The following CHRM2 variants were observed in gnomAD, a reference collection of about 807,000 sequenced individuals.
CHRM2 encodes muscarinic acetylcholine receptor M2.
Under a neutral mutation model 25.0 loss-of-function variants are expected in CHRM2, and 8 were observed. The observed-to-expected ratio is 0.32, with a 90% CI of 0.19 to 0.58. CHRM2 has a LOEUF of 0.58. CHRM2 is among the 20% of genes least tolerant of loss of function. CHRM2 has a pLI of 0.88. For synonymous variants in CHRM2, 202 were observed against 205.7 expected, an observed-to-expected ratio of 0.98 and a Z score of 0.15; for missense variants, 440 against 567.1, an observed-to-expected ratio of 0.78 and a Z score of 2.28.
At chr7:136,975,193 T>C (rs1802032351) in intron 2 of CHRM2, among the ~76,000 whole-genome samples, 2 of 152,124 alleles carry the variant, frequency 1.3e-5, no homozygotes, top group African/African-American at 4.8e-5. Context: ...AGAGAAAAGG[T>C]ATACATCAGC....
intron 2 of CHRM2, among the ~76,000 whole-genome samples, chr7:136,888,909 G>A (rs903637813): frequency 9.2e-5 from 14 of 151,728 alleles, no homozygotes; most frequent in Middle Eastern, 3.4e-3. Flanking sequence ...TTAGCCGGGC[G>A]TGGTGGCGGG....
chr7:136,985,420 G>T (rs533653703), intron 2 of CHRM2, among the ~76,000 whole-genome samples: 1 of 135,768 alleles, frequency 7.4e-6, no homozygotes, highest in East Asian at 2.4e-4. Flanking sequence ...TGCGGTAGGA[G>T]AATCGCTTGA....
At chr7:137,013,435 GTAAT>G in intron 3 of CHRM2, among the ~76,000 whole-genome samples, 1 of 151,992 alleles carries the variant, frequency 6.6e-6, no homozygotes, top group South Asian at 2.1e-4. Context: ...CCATTTCTTT[GTAAT>G]TAATAGCATC....
At chr7:136,970,768 A>AT in intron 2 of CHRM2, among the ~76,000 whole-genome samples, 1 of 152,250 alleles carries the variant, frequency 6.6e-6, no homozygotes, top group East Asian at 1.9e-4. Flanking sequence ...AAAAAAGGCC[A>AT]TTTCTCTTTT....
At chr7:136,990,703 A>T (rs1803166414) in intron 2 of CHRM2, among the ~76,000 whole-genome samples, 1 of 152,166 alleles carries the variant, frequency 6.6e-6, no homozygotes, top group African/African-American at 2.4e-5. Context: ...TTGTGTGGAC[A>T]TGTTTTTAAC....
At position 137,018,945 on chromosome 7, in the gene CHRM2, G is replaced by A. The variant is rs1043378620; in HGVS notation, c.*2679G>A. On this transcript the variant is annotated 3_prime_UTR_variant, in exon 4 of 4. Transcript: ENST00000680005. The stretch of plus-strand genomic sequence containing the variant: ...AGACAATTCCCCTCTCCCCGAAAGG[G>A]GACACTTAGCAATGTGTAAAGACAT... 1 of 151,880 alleles carries A rather than the reference G, an allele frequency of 6.6e-6. No homozygotes were observed. Among genetic ancestry groups the A allele is most frequent in the African/African-American group, 2.4e-5 (1 of 41,390 alleles). The allele number at this position is 151,880 out of a possible 1,614,324, so 9.4% of individuals were successfully genotyped here.
chr7:137,011,215 G>GTGTGTATATATA, intron 3 of CHRM2, among the ~76,000 whole-genome samples: 2,224 of 134,222 alleles, frequency 0.017, 86 homozygotes, highest in African/African-American at 0.067. Context: ...GTGTGTGTGT[G>GTGTGTATATATA]TATATATATA....
chr7:137,015,064 T>C lies in CHRM2; in HGVS notation c.199T>C (p.Cys67Arg). The change falls in exon 4 of 4, where the codon TGT becomes CGT. Residue 67 changes from cysteine (C) to arginine (R), a missense_variant. Physicochemically the swap from Cys to Arg is radical, Grantham distance 180. This residue lies in a region of CHRM2 where 86 missense variants were observed against 124.9 expected (regional missense o/e 0.69). Transcript: ENST00000680005. The surrounding 1 kb of genome is among the most constrained non-coding windows in gnomAD (Gnocchi z 5.1). ...VNNYFLFSLA[C>R]ADLIIGVFSM... ...CAATTACTTTTTATTCAGCTTGGCC[T>C]GTGCTGACCTTATCATAGGTGTTTT... 6.2e-7 allele frequency: 1 copy of C among 1,613,490 alleles called. No homozygotes were observed. Among genetic ancestry groups the C allele is most frequent in the Non-Finnish European group, 8.5e-7 (1 of 1,179,634 alleles).
intron 2 of CHRM2, chr7:136,903,136 A>G (rs759067887): frequency 1.9e-6 from 1 of 534,004 alleles, no homozygotes; most frequent in East Asian, 5.5e-5. Flanking sequence ...TCTTCAACCA[A>G]CGGTGGTGAA....
chr7:136,926,488 T>G (rs745641586), intron 2 of CHRM2, among the ~76,000 whole-genome samples: 4 of 152,188 alleles, frequency 2.6e-5, no homozygotes, highest in Non-Finnish European at 4.4e-5. Context: ...CATAAATCTA[T>G]GTTTATAACT....
chr7:136,872,918 T>A (rs912319193), intron 2 of CHRM2, among the ~76,000 whole-genome samples: 1 of 152,212 alleles, frequency 6.6e-6, no homozygotes, highest in Admixed American at 6.5e-5. Flanking sequence ...CCCTTTCTAT[T>A]ATCTTCACAA....
chr7:136,946,937 C>A (rs183127344), intron 2 of CHRM2, among the ~76,000 whole-genome samples: 1 of 152,204 alleles, frequency 6.6e-6, no homozygotes, highest in Non-Finnish European at 1.5e-5. Context: ...TGGGGAATGG[C>A]AATCAGAAGA....
intron 3 of CHRM2, among the ~76,000 whole-genome samples, chr7:136,997,299 GTCTT>G (rs1803669421): frequency 6.6e-6 from 1 of 152,172 alleles, no homozygotes. Flanking sequence ...ATGCTACACA[GTCTT>G]TGACAATGGA....
At chr7:137,000,603 A>C (rs1209113590) in intron 3 of CHRM2, among the ~76,000 whole-genome samples, 1 of 98,558 alleles carries the variant, frequency 1.0e-5, no homozygotes, top group Non-Finnish European at 2.3e-5. Context: ...GAAAAAAAGC[A>C]AGTAAACCAA....
chr7:136,973,827 CT>C (rs1484267944), intron 2 of CHRM2, among the ~76,000 whole-genome samples: 2 of 151,956 alleles, frequency 1.3e-5, no homozygotes, highest in Non-Finnish European at 2.9e-5. Flanking sequence ...AATGCATTTT[CT>C]TTTAAAGAGC....
At chr7:137,013,656 A>G (rs1323025660) in intron 3 of CHRM2, among the ~76,000 whole-genome samples, 4 of 152,006 alleles carry the variant, frequency 2.6e-5, no homozygotes, top group Admixed American at 6.6e-5. Context: ...AAGATCACTC[A>G]ATTGTCATCA....
chr7:136,981,471 T>G (rs1267440291), intron 2 of CHRM2, among the ~76,000 whole-genome samples: 1 of 152,190 alleles, frequency 6.6e-6, no homozygotes. Flanking sequence ...CTGATCTTAG[T>G]TATTTCTTGT....
At chr7:136,874,415 A>T (rs972203513) in intron 2 of CHRM2, among the ~76,000 whole-genome samples, 6 of 151,774 alleles carry the variant, frequency 4.0e-5, no homozygotes, top group Non-Finnish European at 7.4e-5. Flanking sequence ...ATATACAATC[A>T]TCTTAACTGG....
intron 2 of CHRM2, among the ~76,000 whole-genome samples, chr7:136,926,972 AC>A (rs1417921729): frequency 6.6e-6 from 1 of 152,160 alleles, no homozygotes; most frequent in Non-Finnish European, 1.5e-5. Flanking sequence ...TCTACAATAC[AC>A]ATTTTCTATT....
Sources: gnomAD v4.1 joint callset for allele counts (sites outside exome capture counted in the v4.1 genomes callset) on GRCh38, gnomAD v4.1.1 for gene constraint, gnomAD v4.1.1 regional missense constraint, Gnocchi (gnomAD v3.1) non-coding constraint, MANE v1.5 for transcripts, NCBI Gene and HGNC (gene_info 2026-07-23, HGNC 2026-07-21) for gene names.